Variants in TPCN1 observed in about 807,000 individuals in gnomAD.
The protein encoded by TPCN1 is two pore segment channel 1, also known as two pore channel protein 1.
A neutral mutation model predicts 108.8 loss-of-function variants in TPCN1; 52 were observed. That is an observed-to-expected ratio of 0.48 (90% CI 0.38 to 0.60). The LOEUF (loss-of-function observed/expected upper bound fraction) is 0.60, where lower values mean the gene tolerates loss of function less well. Among genes scored for constraint, TPCN1 ranks in the 20% least tolerant of loss-of-function variants. The pLI, the probability that TPCN1 is intolerant of heterozygous loss-of-function variation, is 0.00. For missense variants in TPCN1, 806 were observed against 1,072.8 expected, an observed-to-expected ratio of 0.75 and a Z score of 3.47; for synonymous variants, 446 against 433.7, an observed-to-expected ratio of 1.03 and a Z score of -0.35.
rs1435042252 is a variant in TPCN1, at chr12:113,293,622, T to TTA, written c.2334+274_2334+275dup. Reference sequence around the variant, plus strand: ...TTCTCCAGAACCTCCTCTCCATCTCTTACTCTGAGTCAGCTGCAAACTCAA... The same window carrying TTA: ...TTCTCCAGAACCTCCTCTCCATCTCTTATACTCTGAGTCAGCTGCAAACTCAA... On this transcript the variant is annotated intron_variant, in intron 27 of 27. Coordinates refer to ENST00000335509, the MANE Select transcript of TPCN1 (RefSeq NM_017901.6). Among the ~76,000 whole-genome samples the TTA allele has an allele frequency of 2.0e-5, 3 of 152,314 alleles. No homozygotes were observed. The East Asian group carries it at 5.8e-4, about 29-fold the overall frequency.
At chr12:113,294,626 CA>C (rs368650271) in intron 27 of TPCN1, among the ~76,000 whole-genome samples, 1,913 of 95,452 alleles carry the variant, frequency 0.02, 30 homozygotes, top group African/African-American at 0.053. Flanking sequence ...GACTCTGTCT[CA>C]AAAAAAAAAA....
intron 2 of TPCN1, among the ~76,000 whole-genome samples, chr12:113,243,415 T>C (rs914626939): frequency 6.6e-6 from 1 of 151,648 alleles, no homozygotes; most frequent in East Asian, 2.0e-4. Context: ...CCCAAAATTA[T>C]CATGTGATTT....
At chr12:113,290,595 C>CA (rs1956235969) in intron 22 of TPCN1, among the ~76,000 whole-genome samples, 1 of 152,272 alleles carries the variant, frequency 6.6e-6, no homozygotes, top group East Asian at 1.9e-4. Context: ...GCTCAGACTG[C>CA]ACACAGCCCT....
intron 2 of TPCN1, among the ~76,000 whole-genome samples, chr12:113,234,363 G>C (rs1953804470): frequency 6.6e-6 from 1 of 152,228 alleles, no homozygotes; most frequent in Non-Finnish European, 1.5e-5. Context: ...GCCTGGGAAA[G>C]GAAGGATGAA....
intron 2 of TPCN1, among the ~76,000 whole-genome samples, chr12:113,227,927 G>T (rs1473543304): frequency 1.3e-5 from 2 of 152,174 alleles, no homozygotes; most frequent in Admixed American, 1.3e-4. Context: ...AGCCCTGGCT[G>T]CCTAGAAACA....
In TPCN1 at chr12:113,232,462, C is replaced by T. The variant is rs1292125372; in HGVS notation, c.112+5498C>T. Among the ~76,000 whole-genome samples the T allele has an allele frequency of 6.6e-6, 1 of 152,238 alleles. No homozygotes were observed. The highest frequency in any genetic ancestry group is 2.4e-5 in the African/African-American group (1 of 41,468). On this transcript the variant is annotated intron_variant, in intron 2 of 27. Transcript: ENST00000335509. The surrounding 1 kb of genome is among the most constrained non-coding windows in gnomAD (Gnocchi z 5.6). ...TGGGAGAGATCCTCGCCGGCTGGCA[C>T]CAGAGAAGAATACACCCCGAGGTGT...
chr12:113,286,050 T>C, intron 18 of TPCN1, 89 bp downstream of exon 18: 1 of 1,210,762 alleles, frequency 8.3e-7, no homozygotes, highest in South Asian at 1.2e-5. Context: ...CCGGGCCATT[T>C]CTGGAATCGC....
rs767525524 is a variant in TPCN1, at chr12:113,284,564, G to A, written c.1343-17G>A. ...CCCCTGTTATTTCTCTGTCTTTTAC[G>A]GGCCTGTGTATTTCAGACTTGGTGG... On this transcript the variant is annotated splice_polypyrimidine_tract_variant and intron_variant, in intron 15 of 27. Coordinates refer to ENST00000335509, the MANE Select transcript of TPCN1 (RefSeq NM_017901.6). The surrounding 1 kb of genome is among the most constrained non-coding windows in gnomAD (Gnocchi z 4.1). The A allele has an allele frequency of 1.2e-6, 2 of 1,613,990 alleles. No individual in the cohort carries two copies. The highest frequency in any genetic ancestry group is 1.7e-5 in the Admixed American group (1 of 60,024).
At chr12:113,246,741 C>T (rs1317943614) in intron 2 of TPCN1, among the ~76,000 whole-genome samples, 1 of 152,126 alleles carries the variant, frequency 6.6e-6, no homozygotes, top group Non-Finnish European at 1.5e-5. Flanking sequence ...CCTGCCTTTC[C>T]AGCTGGCCTG....
chr12:113,253,666 A>C (rs1205811808), intron 2 of TPCN1, among the ~76,000 whole-genome samples: 1 of 152,200 alleles, frequency 6.6e-6, no homozygotes, highest in Non-Finnish European at 1.5e-5. Context: ...TAAGTGCCCC[A>C]AGAGAATAAG....
chr12:113,291,528 C>T (rs140343636), intron 23 of TPCN1, 81 bp from the exon 24 acceptor site: 28 of 1,239,068 alleles, frequency 2.3e-5, no homozygotes, highest in South Asian at 6.4e-5. Flanking sequence ...TGCGAAGAGC[C>T]GGGGCCATGG....
At chr12:113,270,150 C>T (rs920611204) in intron 7 of TPCN1, among the ~76,000 whole-genome samples, 1 of 151,866 alleles carries the variant, frequency 6.6e-6, no homozygotes, top group Non-Finnish European at 1.5e-5. Context: ...GAGCTGAGAT[C>T]GTGCCACTGC....
In TPCN1 at chr12:113,288,679, G is replaced by C. The variant is rs912743522; in HGVS notation, c.1707-79G>C. The C allele has an allele frequency of 6.3e-7, 1 of 1,583,992 alleles. No homozygotes were observed. Among genetic ancestry groups the C allele is most frequent in the Non-Finnish European group, 8.6e-7 (1 of 1,168,506 alleles). On this transcript the variant is annotated intron_variant, in intron 20 of 27. Transcript: ENST00000335509. The surrounding 1 kb of genome is among the most constrained non-coding windows in gnomAD (Gnocchi z 4.8). ...GGCATGGCCCTGCAGTCAGCCCCACGGGTCCGAGGAGGCCGGGGCTGCAGA... is the reference window on the plus strand; with the variant it reads ...GGCATGGCCCTGCAGTCAGCCCCACCGGTCCGAGGAGGCCGGGGCTGCAGA...
intron 2 of TPCN1, among the ~76,000 whole-genome samples, chr12:113,237,894 T>C (rs1953956238): frequency 1.3e-5 from 2 of 152,224 alleles, no homozygotes; most frequent in South Asian, 4.1e-4. Context: ...CCCTCCCTAA[T>C]CCCACCACAC....
At chr12:113,293,386 C>T (rs773280945) in intron 27 of TPCN1, 37 bp downstream of exon 27, 5 of 1,590,898 alleles carry the variant, frequency 3.1e-6, no homozygotes, top group Admixed American at 3.3e-5. Flanking sequence ...AATCCTCCCC[C>T]AAGCTATGTC....
intron 13 of TPCN1, 130 bp from the exon 14 acceptor site, chr12:113,278,642 A>G (rs774749605): frequency 2.0e-5 from 14 of 708,684 alleles, no homozygotes; most frequent in Non-Finnish European, 3.2e-5. Context: ...GTTGTCATGT[A>G]GATCCCTGAA....
At position 113,296,167 on chromosome 12, in the gene TPCN1, C is replaced by T; in HGVS notation, c.*91C>T. On this transcript the variant is annotated 3_prime_UTR_variant, in exon 28 of 28. Coordinates refer to ENST00000335509, the MANE Select transcript of TPCN1 (RefSeq NM_017901.6). ...GAACTGCGGTGTGTGTACACATACT[C>T]ACGTATATGCACATATTTATATACA... The T allele has an allele frequency of 6.7e-7, 1 of 1,499,250 alleles. No homozygotes were observed. 92.9% of individuals were successfully genotyped at this position (1,499,250 alleles called of 1,614,324 possible).
At chr12:113,291,849 C>A in intron 24 of TPCN1, 25 bp from the exon 25 acceptor site, 1 of 1,442,272 alleles carries the variant, frequency 6.9e-7, no homozygotes, top group Non-Finnish European at 9.8e-7. Flanking sequence ...CCTGCCTCTG[C>A]CCCTCCCTCC....
In TPCN1 at chr12:113,272,253, G is replaced by A. The variant is rs548261580; in HGVS notation, c.749-405G>A. 2.4e-4 allele frequency among the ~76,000 whole-genome samples: 36 copies of A among 152,284 alleles called. No individual in the cohort carries two copies. Among genetic ancestry groups the A allele is most frequent in the Admixed American group, 3.9e-4 (6 of 15,304 alleles). On this transcript the variant is annotated intron_variant, in intron 7 of 27. Transcript: ENST00000335509. This position sits in a 1 kb window ranked among gnomAD's most constrained non-coding sequence, Gnocchi z 4.1. ...TGGGACCCTGGCTGCAGGGAGCAGCGGATCCCTTTGGAATTTAGTCAGCTG... is the reference window on the plus strand; with the variant it reads ...TGGGACCCTGGCTGCAGGGAGCAGCAGATCCCTTTGGAATTTAGTCAGCTG...
Sources: gnomAD v4.1 joint callset for allele counts (sites outside exome capture counted in the v4.1 genomes callset) on GRCh38, gnomAD v4.1.1 for gene constraint, Gnocchi (gnomAD v3.1) non-coding constraint, MANE v1.5 for transcripts, NCBI Gene and HGNC (gene_info 2026-07-23, HGNC 2026-07-21) for gene names.